The following SEMA5A variants were observed in gnomAD, a reference collection of about 807,000 sequenced individuals.
SEMA5A encodes the protein semaphorin-5A.
SEMA5A carries 55 observed loss-of-function variants against 135.5 expected under a neutral mutation model. The observed-to-expected ratio is 0.41, with a 90% CI of 0.33 to 0.51. The LOEUF is 0.51. Ranked by LOEUF, SEMA5A falls within the 20% of genes least tolerant of loss-of-function variation. SEMA5A has a pLI of 0.37. For missense variants in SEMA5A, 1,290 were observed against 1,419.9 expected, an observed-to-expected ratio of 0.91 and a Z score of 1.47; for synonymous variants, 580 against 546.5, an observed-to-expected ratio of 1.06 and a Z score of -0.85.
Position 9,050,477 on chromosome 5 carries a change from A to G in SEMA5A, c.2846-20T>C. 1 of 1,610,384 alleles carries G rather than the reference A, an allele frequency of 6.2e-7. No homozygotes were observed. Among genetic ancestry groups the G allele is most frequent in the Non-Finnish European group, 8.5e-7 (1 of 1,177,724 alleles). On this transcript the variant is annotated intron_variant, in intron 20 of 22. Coordinates refer to ENST00000382496, the MANE Select transcript of SEMA5A (RefSeq NM_003966.3). ...ATACTTCTGGAAAAAGAAAAGTCGA[A>G]TCACAATGTGTAAAAGGTGTTCAGA... is the stretch of plus-strand genomic sequence containing the variant.
chr5:9,075,978 G>A (rs886781958), intron 16 of SEMA5A, among the ~76,000 whole-genome samples: 5 of 151,960 alleles, frequency 3.3e-5, no homozygotes, highest in African/African-American at 4.8e-5. Flanking sequence ...AGGCTGAGGC[G>A]GTTGCATCAT....
chr5:9,425,582 T>C (rs1454056372), intron 2 of SEMA5A, among the ~76,000 whole-genome samples: 2 of 152,228 alleles, frequency 1.3e-5, no homozygotes, highest in East Asian at 3.9e-4. Flanking sequence ...CATTTGTTTA[T>C]ACAGATGTCT....
intron 1 of SEMA5A, among the ~76,000 whole-genome samples, chr5:9,446,021 G>T (rs1165330389): frequency 6.6e-6 from 1 of 152,196 alleles, no homozygotes; most frequent in Non-Finnish European, 1.5e-5. Flanking sequence ...TGAATGGAAT[G>T]ATCTAGAAAT....
intron 1 of SEMA5A, among the ~76,000 whole-genome samples, chr5:9,491,455 A>G (rs529088308): frequency 1.4e-3 from 208 of 152,092 alleles, no homozygotes; most frequent in African/African-American, 4.9e-3. Context: ...CAGCCACACA[A>G]CCCACATCAG....
intron 2 of SEMA5A, among the ~76,000 whole-genome samples, chr5:9,403,754 G>T (rs1269790969): frequency 6.6e-6 from 1 of 152,148 alleles, no homozygotes; most frequent in Middle Eastern, 3.2e-3. Context: ...TAGAAGCAAA[G>T]AACTTATTAA....
rs78672395 is a variant in SEMA5A, at chr5:9,133,537, T to G, written c.1599+2967A>C. The stretch of plus-strand genomic sequence containing the variant: ...CCCTGTCATCAGAAGAAGCAGACCT[T>G]GTAATGAGTGTTTTGCTGACTGAGA... On this transcript the variant is annotated intron_variant, in intron 13 of 22. Transcript: ENST00000382496. Among the ~76,000 whole-genome samples, 447 of 152,306 alleles carry G rather than the reference T, an allele frequency of 2.9e-3. 4 individuals are homozygous for G. The highest frequency in any genetic ancestry group is 0.01 in the African/African-American group (429 of 41,564).
At chr5:9,316,252 G>A (rs1340760076) in intron 5 of SEMA5A, among the ~76,000 whole-genome samples, 1 of 151,964 alleles carries the variant, frequency 6.6e-6, no homozygotes, top group African/African-American at 2.4e-5. Flanking sequence ...CTTAATTTCT[G>A]AAACAACAAG....
At chr5:9,251,746 G>A (rs569250115) in intron 5 of SEMA5A, among the ~76,000 whole-genome samples, 18 of 152,230 alleles carry the variant, frequency 1.2e-4, no homozygotes, top group South Asian at 4.1e-4. Context: ...AAGAGCTGCC[G>A]GCAAGACATA....
At chr5:9,145,111 A>T (rs1234797037) in intron 12 of SEMA5A, among the ~76,000 whole-genome samples, 1 of 152,036 alleles carries the variant, frequency 6.6e-6, no homozygotes, top group Non-Finnish European at 1.5e-5. Flanking sequence ...TTTGAATCCC[A>T]GCCTTCAACA....
At chr5:9,375,929 T>A (rs1051259665) in intron 3 of SEMA5A, among the ~76,000 whole-genome samples, 2 of 152,058 alleles carry the variant, frequency 1.3e-5, no homozygotes, top group African/African-American at 4.8e-5. Flanking sequence ...ACACCCCTCT[T>A]ATCTGCTTTC....
chr5:9,259,129 T>G (rs1417303496), intron 5 of SEMA5A, among the ~76,000 whole-genome samples: 2 of 152,152 alleles, frequency 1.3e-5, no homozygotes, highest in African/African-American at 4.8e-5. Flanking sequence ...GCCCCATTAT[T>G]TTTTACAAAA....
chr5:9,372,212 G>A (rs1470073009), intron 3 of SEMA5A, among the ~76,000 whole-genome samples: 3 of 152,224 alleles, frequency 2.0e-5, no homozygotes, highest in African/African-American at 7.2e-5. Flanking sequence ...TGGCAATGAG[G>A]TTGCTGTATC....
At chr5:9,290,933 C>A (rs1751045865) in intron 5 of SEMA5A, among the ~76,000 whole-genome samples, 1 of 152,146 alleles carries the variant, frequency 6.6e-6, no homozygotes, top group Non-Finnish European at 1.5e-5. Flanking sequence ...CCAATATTTC[C>A]CTGATTCCCT....
chr5:9,234,951 T>A (rs998216961), intron 6 of SEMA5A, among the ~76,000 whole-genome samples: 3 of 152,126 alleles, frequency 2.0e-5, no homozygotes, highest in African/African-American at 7.2e-5. Flanking sequence ...CTTCTCTGGG[T>A]TCAATTTACT....
intron 11 of SEMA5A, among the ~76,000 whole-genome samples, chr5:9,167,422 G>A (rs1362289309): frequency 2.6e-5 from 4 of 152,156 alleles, no homozygotes; most frequent in African/African-American, 7.2e-5. Context: ...CCATGCACCT[G>A]AAATCCTGAA....
At chr5:9,200,584 G>A (rs1463790868) in intron 9 of SEMA5A, among the ~76,000 whole-genome samples, 6 of 152,176 alleles carry the variant, frequency 3.9e-5, no homozygotes, top group Non-Finnish European at 8.8e-5. Flanking sequence ...CTGGGTTGAA[G>A]ACCAGATTTA....
intron 6 of SEMA5A, among the ~76,000 whole-genome samples, chr5:9,228,006 G>A (rs1259803607): frequency 6.6e-6 from 1 of 152,190 alleles, no homozygotes; most frequent in Non-Finnish European, 1.5e-5. Flanking sequence ...CCCTGGGTAT[G>A]GTCATAGCAG....
At position 9,086,872 on chromosome 5, in the gene SEMA5A, G is replaced by A. The variant is rs887100146; in HGVS notation, c.2074-20226C>T. ...GGGTTATAATTAAATTTATTATTGA[G>A]AATACTATTAATGCATTTGATTTTA... On this transcript the variant is annotated intron_variant, in intron 16 of 22. Transcript: ENST00000382496. Among the ~76,000 whole-genome samples, 6 of 152,112 alleles carry A rather than the reference G, an allele frequency of 3.9e-5. No individual in the cohort carries two copies. The East Asian group carries it at 1.2e-3, about 29-fold the overall frequency.
In SEMA5A at chr5:9,088,653, T is replaced by C. The variant is rs1431451448; in HGVS notation, c.2073+19487A>G. On this transcript the variant is annotated intron_variant, in intron 16 of 22. Transcript: ENST00000382496. Reference sequence around the variant, plus strand: ...TACATTTATAATATATATATATATATATATATACACACACACACTCATGGA... The same window carrying C: ...TACATTTATAATATATATATATATACATATATACACACACACACTCATGGA... Among the ~76,000 whole-genome samples, 37 of 111,384 alleles carry C rather than the reference T, an allele frequency of 3.3e-4. 1 individual carries two copies. Among genetic ancestry groups the C allele is most frequent in the Non-Finnish European group, 5.9e-4 (32 of 54,276 alleles). The allele number at this position is 111,384 out of a possible 152,430, so 73.1% of individuals were successfully genotyped here.
Sources: gnomAD v4.1 joint callset for allele counts (sites outside exome capture counted in the v4.1 genomes callset) on GRCh38, gnomAD v4.1.1 for gene constraint, MANE v1.5 for transcripts, NCBI Gene and HGNC (gene_info 2026-07-23, HGNC 2026-07-21) for gene names.